The following HIBADH variants were observed in gnomAD, a reference collection of about 807,000 sequenced individuals.
HIBADH encodes 3-hydroxyisobutyrate dehydrogenase, mitochondrial.
Under a neutral mutation model 36.1 loss-of-function variants are expected in HIBADH, and 25 were observed. The ratio of observed to expected loss-of-function variants is 0.69; its 90% CI spans 0.50 to 0.97. HIBADH has a LOEUF of 0.97. Among genes scored for constraint, HIBADH ranks in the 50% least tolerant of loss-of-function variants. HIBADH has a pLI of 0.00. For missense variants in HIBADH, 421 were observed against 418.0 expected (o/e 1.01, Z -0.06); for synonymous variants, 160 against 149.5 (o/e 1.07, Z -0.51).
chr7:27,585,192 CACAT>C (rs1160694950), intron 4 of HIBADH, among the ~76,000 whole-genome samples: 2 of 151,686 alleles, frequency 1.3e-5, no homozygotes, highest in Admixed American at 6.6e-5. Flanking sequence ...TATATGCACA[CACAT>C]ATGTATGTAT....
At chr7:27,542,514 T>C (rs1784169309) in intron 5 of HIBADH, among the ~76,000 whole-genome samples, 2 of 140,468 alleles carry the variant, frequency 1.4e-5, no homozygotes, top group African/African-American at 2.7e-5. Flanking sequence ...GGCTCTATCA[T>C]GGCTCACTGC....
At chr7:27,613,667 T>TTG (rs72571202) in intron 4 of HIBADH, among the ~76,000 whole-genome samples, 4 of 50,308 alleles carry the variant, frequency 8.0e-5, no homozygotes, top group Non-Finnish European at 3.8e-5. Context: ...TTTTTTTTGT[T>TTG]TTTTTTTTTT....
At chr7:27,561,098 G>T (rs1440487529) in intron 4 of HIBADH, among the ~76,000 whole-genome samples, 2 of 152,074 alleles carry the variant, frequency 1.3e-5, no homozygotes, top group Non-Finnish European at 2.9e-5. Flanking sequence ...AGTCATCTGT[G>T]TATCTTCTTT....
intron 2 of HIBADH, among the ~76,000 whole-genome samples, chr7:27,645,382 T>TTTTTTTTTTTTGTTTTTG (rs1786048751): frequency 7.7e-6 from 1 of 129,080 alleles, no homozygotes; most frequent in African/African-American, 3.1e-5. Flanking sequence ...TTTTTTTTTT[T>TTTTTTTTTTTTGTTTTTG]TTTTTTTTTT....
At chr7:27,559,145 ATTTCCCC>A (rs1270979495) in intron 4 of HIBADH, among the ~76,000 whole-genome samples, 1 of 152,090 alleles carries the variant, frequency 6.6e-6, no homozygotes, top group Non-Finnish European at 1.5e-5. Context: ...GTGTGTCTAA[ATTTCCCC>A]TTTTTGTAAG....
At chr7:27,596,473 G>C (rs1388525312) in intron 4 of HIBADH, among the ~76,000 whole-genome samples, 1 of 152,152 alleles carries the variant, frequency 6.6e-6, no homozygotes. Context: ...TTGATGAAAA[G>C]ACTGGCAACA....
intron 4 of HIBADH, among the ~76,000 whole-genome samples, chr7:27,565,545 A>G (rs1009290448): frequency 6.6e-6 from 1 of 152,190 alleles, no homozygotes; most frequent in African/African-American, 2.4e-5. Flanking sequence ...TAGGAAACTC[A>G]TTTACTGTTT....
intron 4 of HIBADH, among the ~76,000 whole-genome samples, chr7:27,601,456 C>T (rs1345049719): frequency 1.3e-5 from 2 of 151,746 alleles, no homozygotes; most frequent in East Asian, 1.9e-4. Context: ...CATGTATTAA[C>T]GTTAAATACC....
intron 5 of HIBADH, among the ~76,000 whole-genome samples, chr7:27,540,070 C>T (rs537323270): frequency 4.6e-5 from 7 of 151,898 alleles, no homozygotes; most frequent in Admixed American, 1.3e-4. Context: ...AGGCACACTC[C>T]GGATAACTTT....
chr7:27,528,023 A>C (rs1374852325), intron 7 of HIBADH, among the ~76,000 whole-genome samples: 3 of 149,760 alleles, frequency 2.0e-5, no homozygotes, highest in Non-Finnish European at 4.4e-5. Flanking sequence ...TCGGCCTCCC[A>C]AAGTGCTGGG....
chr7:27,649,020 A>C (rs759596552), intron 2 of HIBADH, among the ~76,000 whole-genome samples: 1 of 152,250 alleles, frequency 6.6e-6, no homozygotes, highest in Non-Finnish European at 1.5e-5. Flanking sequence ...TGAGGAAATC[A>C]GCAGAAGTGA....
At chr7:27,584,028 A>G (rs1784826302) in intron 4 of HIBADH, among the ~76,000 whole-genome samples, 1 of 152,056 alleles carries the variant, frequency 6.6e-6, no homozygotes, top group Non-Finnish European at 1.5e-5. Flanking sequence ...AGAAGCAGAT[A>G]TATGTTGTTT....
intron 4 of HIBADH, among the ~76,000 whole-genome samples, chr7:27,565,720 C>G (rs538702433): frequency 2.0e-4 from 31 of 152,218 alleles, no homozygotes; most frequent in African/African-American, 7.2e-4. Flanking sequence ...GTTGTCTGAT[C>G]TCAGGGGGAA....
chr7:27,582,878 C>T (rs1400587126), intron 4 of HIBADH, among the ~76,000 whole-genome samples: 2 of 152,108 alleles, frequency 1.3e-5, no homozygotes, highest in South Asian at 2.1e-4. Context: ...ATTCTTTAAC[C>T]TCTTTATGAG....
intron 4 of HIBADH, among the ~76,000 whole-genome samples, chr7:27,583,221 G>A (rs539897378): frequency 3.9e-5 from 6 of 151,996 alleles, no homozygotes; most frequent in South Asian, 2.1e-4. Flanking sequence ...CAGATACACC[G>A]CTATTATACA....
intron 4 of HIBADH, among the ~76,000 whole-genome samples, chr7:27,599,018 A>G (rs1189828560): frequency 1.3e-5 from 2 of 152,090 alleles, no homozygotes; most frequent in African/African-American, 4.8e-5. Flanking sequence ...CAAACTCGAC[A>G]TACAGTAACA....
chr7:27,587,288 G>T (rs565032747), intron 4 of HIBADH, among the ~76,000 whole-genome samples: 1 of 152,238 alleles, frequency 6.6e-6, no homozygotes, highest in East Asian at 1.9e-4. Flanking sequence ...GAGCTGAGAG[G>T]AAAATTAATT....
At position 27,604,427 on chromosome 7, in the gene HIBADH, A is replaced by AT. The variant is rs34640888; in HGVS notation, c.484+24943dup. 4.6e-4 allele frequency among the ~76,000 whole-genome samples: 69 copies of AT among 148,854 alleles called. 1 individual carries two copies. Among genetic ancestry groups the AT allele is most frequent in the African/African-American group, 1.1e-3 (44 of 40,652 alleles). ...AGTCCAGTTTACTCTATCAAATTTG[A>AT]TTTTTTTTTTTTTAATGTTGGCTAC... On this transcript the variant is annotated intron_variant, in intron 4 of 7. Transcript: ENST00000265395.
chr7:27,576,224 T>G (rs1162846440), intron 4 of HIBADH, among the ~76,000 whole-genome samples: 1 of 152,166 alleles, frequency 6.6e-6, no homozygotes, highest in Non-Finnish European at 1.5e-5. Flanking sequence ...TAATTGTTAT[T>G]TAGAGTAAAA....
Sources: gnomAD v4.1 joint callset for allele counts (sites outside exome capture counted in the v4.1 genomes callset) on GRCh38, gnomAD v4.1.1 for gene constraint, MANE v1.5 for transcripts, NCBI Gene and HGNC (gene_info 2026-07-23, HGNC 2026-07-21) for gene names.